CMC2: variants seen among roughly 807,000 people sequenced by gnomAD.
CMC2 encodes C-X9-C motif containing 2.
A neutral mutation model predicts 7.5 loss-of-function variants in CMC2; 5 were observed. The observed-to-expected ratio is 0.66, with a 90% confidence interval of 0.35 to 1.40. CMC2 has a LOEUF of 1.40. CMC2 is among the 40% of genes most tolerant of loss of function. The probability of loss-of-function intolerance (pLI) is 0.04; values close to 1 mark genes in which losing one functional copy is unlikely to be tolerated. For synonymous variants in CMC2, 37 were observed against 31.4 expected (o/e 1.18, Z -0.60); for missense variants, 115 against 92.3 (o/e 1.25, Z -1.01).
intron 1 of CMC2, chr16:81,006,510 C>T: frequency 1.2e-5 from 2 of 171,252 alleles, no homozygotes; most frequent in Non-Finnish European, 2.3e-5. Flanking sequence ...GCGACGCCCA[C>T]GGCCTGTCTC....
intron 2 of CMC2, among the ~76,000 whole-genome samples, chr16:80,996,401 T>C (rs1051706103): frequency 6.6e-6 from 1 of 152,236 alleles, no homozygotes; most frequent in African/African-American, 2.4e-5. Flanking sequence ...CTTTAAACAG[T>C]GAATATTTTA....
chr16:80,993,874 A>G (rs952852705), intron 2 of CMC2, among the ~76,000 whole-genome samples: 6 of 152,232 alleles, frequency 3.9e-5, no homozygotes, highest in Non-Finnish European at 7.3e-5. Context: ...TGGAAATGAA[A>G]GTACTTAGAA....
rs1911976695 is a variant in CMC2 at position 80,972,165 on chromosome 16, C to T, written c.*3928G>A. 1 of 152,264 alleles carries T rather than the reference C, an allele frequency of 6.6e-6. No homozygotes were observed. Among genetic ancestry groups the T allele is most frequent in the African/African-American group, 2.4e-5 (1 of 41,460 alleles). The allele number at this position is 152,264 out of a possible 1,614,324, so 9.4% of individuals were successfully genotyped here. On this transcript the variant is annotated 3_prime_UTR_variant, in exon 4 of 4. Coordinates refer to ENST00000219400, the MANE Select transcript of CMC2 (RefSeq NM_020188.5). ...ATAAAGCATCCCTTTGCTTTCCCTT[C>T]ACCACTTTCTGCTATGTACTTATCT...
At position 80,975,127 on chromosome 16, in the gene CMC2, G is replaced by C. The variant is rs909968916; in HGVS notation, c.*966C>G. 6.6e-6 allele frequency: 1 copy of C among 152,362 alleles called. No homozygotes were observed. The highest frequency in any genetic ancestry group is 1.9e-4 in the East Asian group (1 of 5,200). The allele number at this position is 152,362 out of a possible 1,614,324, so 9.4% of individuals were successfully genotyped here. A position where few individuals can be genotyped will look rare whatever the true frequency, so the allele number is the denominator to read the frequency against. ...GAAACACTTGGCAGAAGGAACACTG[G>C]TGAAATGACTGCTAGAATTGGGCAC... is the stretch of plus-strand genomic sequence containing the variant. On this transcript the variant is annotated 3_prime_UTR_variant, in exon 4 of 4. Transcript: ENST00000219400.
intron 2 of CMC2, among the ~76,000 whole-genome samples, chr16:80,986,146 G>C (rs935300334): frequency 5.3e-5 from 8 of 152,268 alleles, no homozygotes; most frequent in African/African-American, 1.9e-4. Context: ...TCAGGAGTTT[G>C]AGGCCAGCCT....
chr16:80,986,166 T>C (rs1291479233), intron 2 of CMC2, among the ~76,000 whole-genome samples: 4 of 152,096 alleles, frequency 2.6e-5, no homozygotes, highest in Admixed American at 6.5e-5. Context: ...TGGGCTAACA[T>C]GGTGAAACCC....
chr16:80,999,735 C>T (rs1052268815), intron 1 of CMC2, among the ~76,000 whole-genome samples: 14 of 152,212 alleles, frequency 9.2e-5, no homozygotes, highest in African/African-American at 3.1e-4. Flanking sequence ...TGGAACATAA[C>T]AGCCCAGAAA....
At chr16:80,983,428 C>A (rs146522355) in intron 2 of CMC2, 1 of 152,226 alleles carries the variant, frequency 6.6e-6, no homozygotes, top group African/African-American at 2.4e-5. Context: ...AGCCTACTTA[C>A]TAACTCACCA....
chr16:81,002,878 T>G (rs1968975888), intron 1 of CMC2, among the ~76,000 whole-genome samples: 1 of 152,240 alleles, frequency 6.6e-6, no homozygotes, highest in Admixed American at 6.5e-5. Context: ...TAAAATGGTT[T>G]AATTTCATTT....
intron 2 of CMC2, among the ~76,000 whole-genome samples, chr16:80,985,231 G>A (rs975525886): frequency 4.6e-5 from 7 of 152,116 alleles, no homozygotes; most frequent in African/African-American, 1.7e-4. Context: ...GAAGGTACAA[G>A]GTCAAAACTA....
intron 1 of CMC2, among the ~76,000 whole-genome samples, chr16:81,001,490 T>G (rs1968862190): frequency 6.6e-6 from 1 of 151,870 alleles, no homozygotes; most frequent in African/African-American, 2.4e-5. Context: ...GAATGGGGAG[T>G]TACTGTTTAA....
At chr16:80,982,530 A>AG (rs997573202) in intron 2 of CMC2, 2 of 151,042 alleles carry the variant, frequency 1.3e-5, no homozygotes, top group Non-Finnish European at 3.0e-5. Flanking sequence ...AAAAAAAAAA[A>AG]AAAAAAAAAG....
At chr16:80,985,922 C>T (rs78407869) in intron 2 of CMC2, among the ~76,000 whole-genome samples, 3 of 55,422 alleles carry the variant, frequency 5.4e-5, no homozygotes, top group Non-Finnish European at 9.2e-5. Context: ...AAAAAAACCA[C>T]AGGAATGAAG....
intron 1 of CMC2, 24 bp from the exon 2 acceptor site, chr16:80,997,453 A>C: frequency 8.3e-7 from 1 of 1,204,818 alleles, no homozygotes; most frequent in African/African-American, 1.5e-5. Context: ...AGTGTCTTGA[A>C]TATGCATAAA....
rs1374038748 is a variant in CMC2 at position 80,974,488 on chromosome 16, A to G, written c.*1605T>C. 1 of 151,730 alleles carries G rather than the reference A, an allele frequency of 6.6e-6. No homozygotes were observed. The highest frequency in any genetic ancestry group is 2.4e-5 in the African/African-American group (1 of 40,954). The allele number at this position is 151,730 out of a possible 1,614,324, so 9.4% of individuals were successfully genotyped here. ...ATTCCAACAGATTTCAAAGCTGTCT[A>G]TGATCTTCCTCCACTCTAAGCTCCC... On this transcript the variant is annotated 3_prime_UTR_variant, in exon 4 of 4. Coordinates refer to ENST00000219400, the MANE Select transcript of CMC2 (RefSeq NM_020188.5).
chr16:80,975,932 T>C lies in CMC2; in HGVS notation c.*161A>G. 1.7e-6 allele frequency: 1 copy of C among 596,904 alleles called. No homozygotes were observed. Among genetic ancestry groups the C allele is most frequent in the Non-Finnish European group, 3.0e-6 (1 of 338,518 alleles). 37.0% of individuals were successfully genotyped at this position (596,904 alleles called of 1,614,324 possible). ...AGTACTAAACGCCCTGCCCAACAAA[T>C]ACTCAGAATCCAGGGTTTTCATATT... On this transcript the variant is annotated 3_prime_UTR_variant, in exon 4 of 4. Transcript: ENST00000219400.
Position 81,006,249 on chromosome 16 carries a change from G to A in CMC2, c.-36+485C>T, listed in dbSNP as rs554422254. Among the ~76,000 whole-genome samples, 17 of 151,874 alleles carry A rather than the reference G, an allele frequency of 1.1e-4. No homozygotes were observed. In the East Asian group the frequency reaches 2.5e-3, roughly 22 times the overall value. On this transcript the variant is annotated intron_variant, in intron 1 of 3. Transcript: ENST00000219400. ...AGTGTACTGATGGGGCTCTTGGTGG[G>A]TTCTCACATCACAGGGCACTGCAGC... is the stretch of plus-strand genomic sequence containing the variant.
At chr16:80,989,150 G>C (rs189627197) in intron 2 of CMC2, among the ~76,000 whole-genome samples, 5 of 152,252 alleles carry the variant, frequency 3.3e-5, no homozygotes, top group African/African-American at 1.2e-4. Context: ...TTATTATGGG[G>C]ACACACTTTG....
intron 2 of CMC2, among the ~76,000 whole-genome samples, chr16:80,995,529 C>T (rs1035545831): frequency 1.3e-5 from 2 of 151,776 alleles, no homozygotes; most frequent in East Asian, 1.9e-4. Flanking sequence ...TGGTGGCGCA[C>T]GCCTGTAATC....
Sources: gnomAD v4.1 joint callset for allele counts (sites outside exome capture counted in the v4.1 genomes callset) on GRCh38, gnomAD v4.1.1 for gene constraint, MANE v1.5 for transcripts, NCBI Gene and HGNC (gene_info 2026-07-23, HGNC 2026-07-21) for gene names.